The following EFNA5 variants were observed in gnomAD, a reference collection of about 807,000 sequenced individuals.
EFNA5 encodes ephrin-A5.
A neutral mutation model predicts 22.9 loss-of-function variants in EFNA5; 5 were observed. That is an observed-to-expected ratio of 0.22 (90% CI 0.11 to 0.46). The LOEUF is 0.46. Among genes scored for constraint, EFNA5 ranks in the 20% least tolerant of loss-of-function variants. The probability of loss-of-function intolerance (pLI) is 0.99; values close to 1 mark genes in which losing one functional copy is unlikely to be tolerated. For synonymous variants in EFNA5, 113 were observed against 112.2 expected (o/e 1.01, Z -0.04); for missense variants, 237 against 293.3 (o/e 0.81, Z 1.40).
intron 1 of EFNA5, among the ~76,000 whole-genome samples, chr5:107,572,997 C>T (rs1220484709): frequency 2.6e-5 from 4 of 152,160 alleles, no homozygotes; most frequent in Non-Finnish European, 4.4e-5. Context: ...AGGAAAACTG[C>T]CAAGACGTTC....
intron 1 of EFNA5, among the ~76,000 whole-genome samples, chr5:107,522,451 T>G (rs957895552): frequency 8.5e-5 from 13 of 152,132 alleles, no homozygotes; most frequent in African/African-American, 3.1e-4. Flanking sequence ...TAGACTGGAG[T>G]GCAGTAGTGT....
intron 1 of EFNA5, among the ~76,000 whole-genome samples, chr5:107,602,132 G>A (rs61292933): frequency 0.064 from 9,768 of 152,242 alleles, 1,056 homozygotes; most frequent in African/African-American, 0.22. Context: ...AAATGTGCAC[G>A]TTATTAATGG....
chr5:107,575,852 T>C (rs1197734054), intron 1 of EFNA5, among the ~76,000 whole-genome samples: 4 of 152,218 alleles, frequency 2.6e-5, no homozygotes, highest in Non-Finnish European at 5.9e-5. Flanking sequence ...CAAAATCATT[T>C]AGTTAAGAGA....
intron 1 of EFNA5, among the ~76,000 whole-genome samples, chr5:107,461,043 T>C (rs1283160643): frequency 6.6e-6 from 1 of 152,148 alleles, no homozygotes; most frequent in African/African-American, 2.4e-5. Context: ...ACTTGCCCTG[T>C]ATTTCTTTGT....
rs35926074 is a variant in EFNA5, at chr5:107,473,262, ATTTT to A, written c.126-45757_126-45754del. Among the ~76,000 whole-genome samples the A allele has an allele frequency of 6.4e-4, 87 of 135,176 alleles. No homozygotes were observed. In the East Asian group the frequency reaches 9.2e-3, roughly 14 times the overall value. 88.7% of individuals were successfully genotyped at this position (135,176 alleles called of 152,430 possible). A position where few individuals can be genotyped will look rare whatever the true frequency, so the allele number is the denominator to read the frequency against. ...TCATTCCCCATTGCTTCCAGGTCTG[ATTTT>A]TTTTTTTTTTTTTTCAGTCTGAGTC... is the stretch of plus-strand genomic sequence containing the variant. On this transcript the variant is annotated intron_variant, in intron 1 of 4. Transcript: ENST00000333274.
intron 1 of EFNA5, among the ~76,000 whole-genome samples, chr5:107,494,815 T>C (rs1746929651): frequency 6.6e-6 from 1 of 152,098 alleles, no homozygotes; most frequent in African/African-American, 2.4e-5. Flanking sequence ...ACTCTGTCTC[T>C]AGCTCAAGGT....
At chr5:107,658,034 C>G (rs916068897) in intron 1 of EFNA5, among the ~76,000 whole-genome samples, 2 of 152,132 alleles carry the variant, frequency 1.3e-5, no homozygotes, top group African/African-American at 4.8e-5. Context: ...AAGTTTCTCA[C>G]TAAGACTACT....
At chr5:107,543,504 C>T (rs1748088427) in intron 1 of EFNA5, among the ~76,000 whole-genome samples, 1 of 152,190 alleles carries the variant, frequency 6.6e-6, no homozygotes, top group African/African-American at 2.4e-5. Context: ...GGGCAAATAA[C>T]TTAAATGTTT....
chr5:107,462,138 A>G (rs191016124), intron 1 of EFNA5, among the ~76,000 whole-genome samples: 1 of 152,244 alleles, frequency 6.6e-6, no homozygotes, highest in Admixed American at 6.5e-5. Context: ...ACCCCACGCA[A>G]AAACGCCAAG....
chr5:107,592,813 C>T lies in EFNA5; in HGVS notation c.125+77676G>A, dbSNP rs2277019. On this transcript the variant is annotated intron_variant, in intron 1 of 4. Transcript: ENST00000333274. ...CTGTGACTGGGAGTAAGCCATCACA[C>T]TTCCTAATGTCTCCACCCAAATGAC... Among the ~76,000 whole-genome samples the T allele has an allele frequency of 2.8e-4, 43 of 152,262 alleles. No homozygotes were observed. The East Asian group carries it at 7.9e-3, about 28-fold the overall frequency.
chr5:107,652,737 T>C (rs1750756855), intron 1 of EFNA5, among the ~76,000 whole-genome samples: 1 of 152,194 alleles, frequency 6.6e-6, no homozygotes, highest in African/African-American at 2.4e-5. Context: ...TTCTAGTTAG[T>C]AAATGTACGG....
chr5:107,466,250 A>G (rs1005795919), intron 1 of EFNA5, among the ~76,000 whole-genome samples: 1 of 152,186 alleles, frequency 6.6e-6, no homozygotes, highest in Non-Finnish European at 1.5e-5. Flanking sequence ...TAGACGGCTC[A>G]TAAGTCGTGT....
chr5:107,534,009 A>AT (rs1332649602), intron 1 of EFNA5, among the ~76,000 whole-genome samples: 1 of 152,216 alleles, frequency 6.6e-6, no homozygotes, highest in Non-Finnish European at 1.5e-5. Context: ...TTATGATGCT[A>AT]TAAAGACTGT....
At chr5:107,533,454 A>G (rs1747865732) in intron 1 of EFNA5, among the ~76,000 whole-genome samples, 2 of 152,198 alleles carry the variant, frequency 1.3e-5, no homozygotes, top group African/African-American at 2.4e-5. Flanking sequence ...AAGAATAACT[A>G]TAATACTTTT....
intron 1 of EFNA5, among the ~76,000 whole-genome samples, chr5:107,446,207 T>G (rs185185657): frequency 6.6e-6 from 1 of 152,208 alleles, no homozygotes; most frequent in African/African-American, 2.4e-5. Flanking sequence ...TACAGTGCTT[T>G]GTACAGTGCC....
intron 1 of EFNA5, among the ~76,000 whole-genome samples, chr5:107,476,298 C>A: frequency 6.6e-6 from 1 of 151,366 alleles, no homozygotes; most frequent in East Asian, 2.0e-4. Flanking sequence ...GGTGATCCAC[C>A]CACCTCAGCC....
At chr5:107,619,866 G>A (rs1233184517) in intron 1 of EFNA5, among the ~76,000 whole-genome samples, 1 of 148,154 alleles carries the variant, frequency 6.7e-6, no homozygotes, top group African/African-American at 2.4e-5. Context: ...CAGCTTACTC[G>A]TTTCTCTAAG....
At chr5:107,524,834 C>T (rs971699741) in intron 1 of EFNA5, among the ~76,000 whole-genome samples, 5 of 152,170 alleles carry the variant, frequency 3.3e-5, no homozygotes, top group African/African-American at 9.7e-5. Flanking sequence ...ATTTTAGAAA[C>T]TTTCTGGATA....
chr5:107,626,581 T>G (rs116676043), intron 1 of EFNA5, among the ~76,000 whole-genome samples: 2,208 of 152,276 alleles, frequency 0.015, 28 homozygotes, highest in Middle Eastern at 0.031. Context: ...TGCCCAGCTA[T>G]ATTTTCTGTA....
Sources: allele counts gnomAD v4.1 joint callset (sites outside exome capture counted in the v4.1 genomes callset), GRCh38; gene constraint gnomAD v4.1.1; transcripts MANE v1.5; gene names NCBI Gene and HGNC (gene_info 2026-07-23, HGNC 2026-07-21).